The following ROS1 variants were observed in gnomAD, a reference collection of about 807,000 sequenced individuals.
ROS1 encodes proto-oncogene tyrosine-protein kinase ROS.
A neutral mutation model predicts 273.5 loss-of-function variants in ROS1; 263 were observed. The ratio of observed to expected loss-of-function variants is 0.96; its 90% CI spans 0.87 to 1.06. ROS1 has a LOEUF of 1.06. Ranked by LOEUF, ROS1 falls within the 50% of genes least tolerant of loss-of-function variation. The probability of loss-of-function intolerance (pLI) is 0.00; values close to 1 mark genes in which losing one functional copy is unlikely to be tolerated. For missense variants in ROS1, 2,833 were observed against 2,751.1 expected (o/e 1.03, Z -0.67); for synonymous variants, 1,008 against 954.1 (o/e 1.06, Z -1.04).
intron 43 of ROS1, among the ~76,000 whole-genome samples, chr6:117,299,986 G>A (rs1178691435): frequency 1.4e-5 from 2 of 142,032 alleles, no homozygotes; most frequent in South Asian, 2.2e-4. Context: ...GCAGTGGCAC[G>A]ATCTCGGCTC....
Position 117,394,303 on chromosome 6 carries a change from T to G in ROS1, c.1050A>C (p.Glu350Asp), listed in dbSNP as rs752745358. 9 of 1,607,678 alleles carry G rather than the reference T, an allele frequency of 5.6e-6. No homozygotes were observed. The highest frequency in any genetic ancestry group is 6.8e-6 in the Non-Finnish European group (8 of 1,178,400). ...DVHQQIVYFS[E>D]GTLIWAKKAA... ...CCTTCTTCGCCCATATGAGAGTTCC[T>G]TCAGAGAAATAAACAATTTGCTGGT... The change falls in exon 11 of 44, where the codon GAA (glutamate) becomes GAC (aspartate). Residue 350 changes from glutamate to aspartate, a missense_variant. Coordinates refer to ENST00000368507, the MANE Select transcript of ROS1 (RefSeq NM_001378902.1).
intron 35 of ROS1, among the ~76,000 whole-genome samples, chr6:117,323,198 A>C (rs1027077685): frequency 3.3e-5 from 5 of 152,148 alleles, no homozygotes; most frequent in Non-Finnish European, 4.4e-5. Context: ...TTAGCTTTCC[A>C]AGTTTGCTGA....
intron 4 of ROS1, among the ~76,000 whole-genome samples, chr6:117,411,024 TGAG>T (rs1375274404): frequency 6.6e-6 from 1 of 152,110 alleles, no homozygotes; most frequent in Admixed American, 6.5e-5. Context: ...AAAAGAAAAC[TGAG>T]GAGAAGAGAC....
intron 32 of ROS1, 73 bp from the exon 33 acceptor site, chr6:117,329,519 G>A (rs2128593894): frequency 1.3e-6 from 1 of 759,032 alleles, no homozygotes; most frequent in South Asian, 1.8e-5. Context: ...TCTTTCTACA[G>A]AATATATTAA....
chr6:117,404,209 A>G, intron 6 of ROS1, 71 bp downstream of exon 6: 1 of 1,404,618 alleles, frequency 7.1e-7, no homozygotes. Flanking sequence ...CGACAGAGCG[A>G]GACTCCGTCT....
chr6:117,312,136 T>C (rs1477292746), intron 39 of ROS1, among the ~76,000 whole-genome samples: 1 of 152,154 alleles, frequency 6.6e-6, no homozygotes, highest in African/African-American at 2.4e-5. Context: ...CTGGTCCGAT[T>C]GCAGTTCCTT....
At chr6:117,404,075 A>C (rs1774181743) in intron 6 of ROS1, among the ~76,000 whole-genome samples, 1 of 152,228 alleles carries the variant, frequency 6.6e-6, no homozygotes, top group African/African-American at 2.4e-5. Flanking sequence ...CTCTACTGAA[A>C]ATACAAAAAA....
rs1219038172 is a variant in ROS1 at position 117,326,089 on chromosome 6, GATTATATATATATATATATATATATAT to G, written c.5539+108_5539+134del. The G allele has an allele frequency of 4.2e-3, 706 of 166,740 alleles. 91 individuals carry two copies. The highest frequency in any genetic ancestry group is 0.025 in the South Asian group (80 of 3,168). 10.3% of individuals were successfully genotyped at this position (166,740 alleles called of 1,614,324 possible). On this transcript the variant is annotated intron_variant, in intron 34 of 43. Coordinates refer to ENST00000368507, the MANE Select transcript of ROS1 (RefSeq NM_001378902.1). ...AATAGTTTAATAGTTTGGATAATAA[GATTATATATATATATATATATATATAT>G]ATATATATATAGTCACCATTATCTA... is the stretch of plus-strand genomic sequence containing the variant.
intron 13 of ROS1, 143 bp downstream of exon 13, chr6:117,389,207 T>TA: frequency 1.2e-6 from 1 of 825,820 alleles, no homozygotes; most frequent in Non-Finnish European, 1.9e-6. Context: ...ATGTATAAAC[T>TA]TTTTTTTTAG....
rs949132311 is a variant in ROS1 at position 117,356,667 on chromosome 6, C to T, written c.4088G>A (p.Cys1363Tyr). 6.2e-7 allele frequency: 1 copy of T among 1,614,082 alleles called. No individual in the cohort carries two copies. The highest frequency in any genetic ancestry group is 1.7e-5 in the Admixed American group (1 of 60,014). The change falls in exon 26 of 44, where the codon TGT becomes TAT. Residue 1363 changes from cysteine to tyrosine, a missense_variant. Coordinates refer to ENST00000368507, the MANE Select transcript of ROS1 (RefSeq NM_001378902.1). ...TACTGTGATAACTCTCCAACACTGACAGCCTTCCAGATCCATTGCCCAGAT... is the reference window on the plus strand; with the variant it reads ...TACTGTGATAACTCTCCAACACTGATAGCCTTCCAGATCCATTGCCCAGAT... ...QEIWAMDLEG[C>Y]QCWRVITVPA...
intron 1 of ROS1, 105 bp from the exon 2 acceptor site, chr6:117,418,611 A>G: frequency 1.4e-6 from 1 of 716,784 alleles, no homozygotes; most frequent in Non-Finnish European, 2.2e-6. Flanking sequence ...CCTCCTCCGC[A>G]TTTTGTAACT....
intron 27 of ROS1, among the ~76,000 whole-genome samples, chr6:117,352,506 C>T (rs1235670167): frequency 6.6e-6 from 1 of 151,990 alleles, no homozygotes; most frequent in Non-Finnish European, 1.5e-5. Flanking sequence ...AATGGTAGCA[C>T]AGGCTTACTC....
In ROS1 at chr6:117,329,360, A is replaced by G. The variant is rs762445305; in HGVS notation, c.5317T>C (p.Cys1773Arg). 2.6e-6 allele frequency: 4 copies of G among 1,564,520 alleles called. No homozygotes were observed. The highest frequency in any genetic ancestry group is 4.5e-5 in the East Asian group (2 of 44,554). ...TCAAGGATATAGTATGTAATTCTAC[A>G]TCCATTATCTTCAGCTTTCTCCCAC... ...IQWEKAEDNG[C>R]RITYYILEIR... Residue 1773 changes from cysteine (C) to arginine (R), a missense_variant, in exon 33 of 44, where the codon TGT becomes CGT. Transcript: ENST00000368507.
Position 117,342,447 on chromosome 6 carries a change from T to C in ROS1, c.4604A>G (p.Glu1535Gly). The change falls in exon 29 of 44, where the codon GAA becomes GGA. Residue 1535 changes from glutamate to glycine, a missense_variant. Physicochemically the swap from Glu to Gly is moderately conservative, Grantham distance 98 (BLOSUM62 -2). Transcript: ENST00000368507. ...AVKNYYSDPLEHLPPGKEIWG... is the reference protein window; with the variant it reads ...AVKNYYSDPLGHLPPGKEIWG... ...AATCTCTTTTCCTGGTGGTAAATGT[T>C]CCAAAGGATCTGAATAATAATTTTT... The C allele has an allele frequency of 6.2e-7, 1 of 1,611,596 alleles. No individual in the cohort carries two copies. The highest frequency in any genetic ancestry group is 8.5e-7 in the Non-Finnish European group (1 of 1,178,688).
At chr6:117,387,192 T>C (rs1772656538) in intron 14 of ROS1, among the ~76,000 whole-genome samples, 193 bp from the exon 15 acceptor site, 1 of 152,224 alleles carries the variant, frequency 6.6e-6, no homozygotes, top group African/African-American at 2.4e-5. Context: ...CCATTAAACA[T>C]ACTTTCTGAT....
rs1360588011 is a variant in ROS1 at position 117,287,599 on chromosome 6, C to A, written c.*893G>T. On this transcript the variant is annotated 3_prime_UTR_variant, in exon 44 of 44. Coordinates refer to ENST00000368507, the MANE Select transcript of ROS1 (RefSeq NM_001378902.1). ...GAATCTACTGTTGTAAGCCTCAAAACTACAAAATATTTTACAGTAGTGATT... is the reference window on the plus strand; with the variant it reads ...GAATCTACTGTTGTAAGCCTCAAAAATACAAAATATTTTACAGTAGTGATT... Among the ~76,000 whole-genome samples the A allele has an allele frequency of 6.6e-6, 1 of 152,082 alleles. No homozygotes were observed. The highest frequency in any genetic ancestry group is 1.5e-5 in the Non-Finnish European group (1 of 67,998).
chr6:117,366,678 TA>T (rs1289828481), intron 18 of ROS1, among the ~76,000 whole-genome samples: 2 of 152,116 alleles, frequency 1.3e-5, no homozygotes, highest in East Asian at 3.9e-4. Context: ...TAAGCCTGGC[TA>T]ATTTTTTGTA....
At chr6:117,365,782 G>T in intron 19 of ROS1, 41 bp from the exon 20 acceptor site, 1 of 1,382,318 alleles carries the variant, frequency 7.2e-7, no homozygotes, top group Non-Finnish European at 9.7e-7. Flanking sequence ...AGAAAAAAAT[G>T]GGGATTATTG....
intron 27 of ROS1, among the ~76,000 whole-genome samples, chr6:117,346,912 C>T (rs1300920531): frequency 8.0e-6 from 1 of 124,392 alleles, no homozygotes; most frequent in East Asian, 2.5e-4. Flanking sequence ...GCCACTTCTT[C>T]CCCCAGCCTT....
Sources: gnomAD v4.1 joint callset for allele counts (sites outside exome capture counted in the v4.1 genomes callset) on GRCh38, gnomAD v4.1.1 for gene constraint, MANE v1.5 for transcripts, NCBI Gene and HGNC (gene_info 2026-07-23, HGNC 2026-07-21) for gene names.